Variants in USP7 observed in about 807,000 individuals in gnomAD.
USP7 encodes ubiquitin C-terminal hydrolase 7.
USP7 carries 9 observed loss-of-function variants against 162.9 expected under a neutral mutation model. The observed-to-expected ratio is 0.06, with a 90% confidence interval of 0.03 to 0.10. USP7 has a LOEUF of 0.10. Ranked by LOEUF, USP7 falls within the 10% of genes least tolerant of loss-of-function variation. The probability of loss-of-function intolerance (pLI) is 1.00; values close to 1 mark genes in which losing one functional copy is unlikely to be tolerated. For missense variants in USP7, 715 were observed against 1,373.7 expected (o/e 0.52, Z 7.58); for synonymous variants, 562 against 475.9 (o/e 1.18, Z -2.35).
At chr16:8,957,193 G>T (rs887080213) in intron 1 of USP7, among the ~76,000 whole-genome samples, 5 of 152,202 alleles carry the variant, frequency 3.3e-5, no homozygotes, top group Non-Finnish European at 7.3e-5. Flanking sequence ...ATTAGCTGAG[G>T]CATGTGTTAA....
intron 1 of USP7, among the ~76,000 whole-genome samples, chr16:8,943,693 CTT>C (rs1001548002): frequency 1.3e-5 from 2 of 152,192 alleles, no homozygotes; most frequent in African/African-American, 4.8e-5. Context: ...CGGGAACACA[CTT>C]TTCTAGAGTC....
chr16:8,908,887 G>C (rs2061900372), intron 11 of USP7, among the ~76,000 whole-genome samples: 1 of 152,364 alleles, frequency 6.6e-6, no homozygotes, highest in African/African-American at 2.4e-5. Flanking sequence ...TGCCCAAACA[G>C]AACAAGCAGC....
In USP7 at chr16:8,899,104, C is replaced by G. The variant is rs1268198334; in HGVS notation, c.2531+17G>C. The stretch of plus-strand genomic sequence containing the variant: ...CATGCAGTCAAGACCAAGCAAGTGT[C>G]CACACATGTGACCTACCCTTGAGAC... On this transcript the variant is annotated intron_variant, in intron 23 of 30. Coordinates refer to ENST00000344836, the MANE Select transcript of USP7 (RefSeq NM_003470.3). 1 of 1,613,854 alleles carries G rather than the reference C, an allele frequency of 6.2e-7. No homozygotes were observed. The highest frequency in any genetic ancestry group is 2.2e-5 in the East Asian group (1 of 44,890).
At chr16:8,952,197 C>T (rs935640943) in intron 1 of USP7, among the ~76,000 whole-genome samples, 2 of 152,134 alleles carry the variant, frequency 1.3e-5, no homozygotes, top group Non-Finnish European at 1.5e-5. Context: ...CTATAGTTAA[C>T]GGTGATTGCG....
At chr16:8,914,269 G>A (rs550762078) in intron 10 of USP7, among the ~76,000 whole-genome samples, 1 of 152,034 alleles carries the variant, frequency 6.6e-6, no homozygotes, top group Non-Finnish European at 1.5e-5. Context: ...TCAAAGTCTG[G>A]CAACTGACAG....
rs969420918 is a variant in USP7, at chr16:8,903,521, T to C, written c.1705-119A>G. 5 of 1,253,146 alleles carry C rather than the reference T, an allele frequency of 4.0e-6. No homozygotes were observed. The African/African-American group carries it at 7.6e-5, about 19-fold the overall frequency. The allele number at this position is 1,253,146 out of a possible 1,614,324, so 77.6% of individuals were successfully genotyped here. The stretch of plus-strand genomic sequence containing the variant: ...CATTTTTTGTTCCAAAGAAACTTCT[T>C]CAGAAGACCAATGAAGAAAAACCGC... On this transcript the variant is annotated intron_variant, in intron 15 of 30. Transcript: ENST00000344836.
intron 26 of USP7, among the ~76,000 whole-genome samples, chr16:8,896,039 G>A (rs758523367): frequency 6.6e-6 from 1 of 151,144 alleles, no homozygotes; most frequent in African/African-American, 2.4e-5. Context: ...GTTTCACCAT[G>A]TTGGTTAGCC....
At chr16:8,960,893 T>C (rs1049833274) in intron 1 of USP7, among the ~76,000 whole-genome samples, 1 of 152,166 alleles carries the variant, frequency 6.6e-6, no homozygotes, top group Non-Finnish European at 1.5e-5. Context: ...CAGGGCACTA[T>C]TATTTGTCCA....
chr16:8,927,002 A>T (rs1898039604), intron 2 of USP7, among the ~76,000 whole-genome samples: 1 of 152,210 alleles, frequency 6.6e-6, no homozygotes, highest in Non-Finnish European at 1.5e-5. Flanking sequence ...CCAATAGACC[A>T]GCCTGGGCTT....
chr16:8,926,164 A>G (rs1897977888), intron 2 of USP7, among the ~76,000 whole-genome samples: 1 of 150,764 alleles, frequency 6.6e-6, no homozygotes, highest in South Asian at 2.1e-4. Context: ...AAAAAAAAAA[A>G]AAAAGAAAAT....
chr16:8,947,531 A>C (rs1049234114), intron 1 of USP7, among the ~76,000 whole-genome samples: 1 of 152,102 alleles, frequency 6.6e-6, no homozygotes, highest in Non-Finnish European at 1.5e-5. Context: ...TATTTTTAGA[A>C]AAGACTGGGT....
chr16:8,918,953 T>C (rs1018025574), intron 6 of USP7, 78 bp downstream of exon 6: 46 of 1,432,156 alleles, frequency 3.2e-5, no homozygotes, highest in African/African-American at 2.4e-4. Context: ...GCCATGTTTG[T>C]TGAGAGGACT....
intron 3 of USP7, among the ~76,000 whole-genome samples, chr16:8,921,906 T>C (rs1007334791): frequency 1.3e-5 from 2 of 152,132 alleles, no homozygotes; most frequent in African/African-American, 4.8e-5. Flanking sequence ...GCGATTTAAG[T>C]GGGGCCTTAT....
In USP7 at chr16:8,936,841, T is replaced by C; in HGVS notation, c.80-6444A>G. On this transcript the variant is annotated intron_variant, in intron 1 of 30. Coordinates refer to ENST00000344836, the MANE Select transcript of USP7 (RefSeq NM_003470.3). The stretch of plus-strand genomic sequence containing the variant: ...ATATTAATGGAAAAACTGGTGAAAC[T>C]CTGAAAGAATCTGACTTTGGTTAAC... 8 of 958,074 alleles carry C rather than the reference T, an allele frequency of 8.4e-6. No homozygotes were observed. In the South Asian group the frequency reaches 2.0e-4, roughly 24 times the overall value. The allele number at this position is 958,074 out of a possible 1,614,324, so 59.3% of individuals were successfully genotyped here. A position where few individuals can be genotyped will look rare whatever the true frequency, so the allele number is the denominator to read the frequency against.
At position 8,915,205 on chromosome 16, in the gene USP7, C is replaced by T. The variant is rs370169727; in HGVS notation, c.1078+49G>A. On this transcript the variant is annotated intron_variant, in intron 10 of 30. Coordinates refer to ENST00000344836, the MANE Select transcript of USP7 (RefSeq NM_003470.3). ...CTTGTGTAAATGAAACATTAAAACA[C>T]AGTAGAAATCATCAAAAGATCATGC... 1.5e-5 allele frequency: 22 copies of T among 1,483,286 alleles called. No individual in the cohort carries two copies. In the African/African-American group the frequency reaches 2.8e-4, roughly 19 times the overall value. 91.9% of individuals were successfully genotyped at this position (1,483,286 alleles called of 1,614,324 possible). A position where few individuals can be genotyped will look rare whatever the true frequency, so the allele number is the denominator to read the frequency against.
chr16:8,937,917 A>G (rs1898839944), intron 1 of USP7, among the ~76,000 whole-genome samples: 2 of 152,180 alleles, frequency 1.3e-5, no homozygotes, highest in South Asian at 2.1e-4. Flanking sequence ...GAGAGAAAAT[A>G]CTGACCACGT....
rs571296141 is a variant in USP7 at position 8,922,656 on chromosome 16, T to G, written c.383+559A>C. On this transcript the variant is annotated intron_variant, in intron 3 of 30. Transcript: ENST00000344836. ...AACTGCAGACAGGTTGACAAAGTGG[T>G]CCGTACTCCCAGAATCAACTGGGTT... Among the ~76,000 whole-genome samples, 22 of 152,324 alleles carry G rather than the reference T, an allele frequency of 1.4e-4. No homozygotes were observed. In the South Asian group the frequency reaches 4.3e-3, roughly 30 times the overall value.
intron 1 of USP7, among the ~76,000 whole-genome samples, chr16:8,936,944 TAAC>T (rs1412019690): frequency 6.6e-6 from 1 of 152,184 alleles, no homozygotes; most frequent in Non-Finnish European, 1.5e-5. Context: ...TATAAATTGT[TAAC>T]AACCCGAGAA....
intron 2 of USP7, among the ~76,000 whole-genome samples, chr16:8,927,347 A>G (rs1024615460): frequency 5.3e-5 from 8 of 152,092 alleles, no homozygotes; most frequent in African/African-American, 1.9e-4. Context: ...AAAGTTAAAG[A>G]AAAACAGAAT....
Sources: gnomAD v4.1 joint callset for allele counts (sites outside exome capture counted in the v4.1 genomes callset) on GRCh38, gnomAD v4.1.1 for gene constraint, MANE v1.5 for transcripts, NCBI Gene and HGNC (gene_info 2026-07-23, HGNC 2026-07-21) for gene names.